The following FAR2 variants were observed in gnomAD, a reference collection of about 807,000 sequenced individuals.
FAR2 encodes epididymis secretory protein Li 81.
Under a neutral mutation model 56.0 loss-of-function variants are expected in FAR2, and 19 were observed. The ratio of observed to expected loss-of-function variants is 0.34; its 90% CI spans 0.24 to 0.50. The LOEUF is 0.50. FAR2 is among the 20% of genes least tolerant of loss of function. FAR2 has a pLI of 0.98. For missense variants in FAR2, 508 were observed against 642.2 expected, an observed-to-expected ratio of 0.79 and a Z score of 2.26; for synonymous variants, 219 against 218.8, an observed-to-expected ratio of 1.00 and a Z score of -0.01.
In FAR2 at chr12:29,177,270, G is replaced by T. The variant is rs539982428; in HGVS notation, c.-39+27863G>T. Among the ~76,000 whole-genome samples, 126 of 152,318 alleles carry T rather than the reference G, an allele frequency of 8.3e-4. 1 individual carries two copies. Among genetic ancestry groups the T allele is most frequent in the African/African-American group, 2.9e-3 (119 of 41,564 alleles). ...TATTCCAGTCTATTCCAGCTGCAAT[G>T]GATCCAGGATAGCAATGGCGGGGGG... On this transcript the variant is annotated intron_variant, in intron 1 of 11. Coordinates refer to ENST00000536681, the MANE Select transcript of FAR2 (RefSeq NM_001271783.2).
chr12:29,307,336 T>C (rs1396071543), intron 4 of FAR2, among the ~76,000 whole-genome samples: 3 of 152,250 alleles, frequency 2.0e-5, no homozygotes, highest in Non-Finnish European at 4.4e-5. Flanking sequence ...GTAGTACTAA[T>C]AGTCCTATGC....
intron 1 of FAR2, among the ~76,000 whole-genome samples, chr12:29,258,163 G>GT (rs1489267111): frequency 2.1e-5 from 3 of 143,104 alleles, no homozygotes; most frequent in Non-Finnish European, 4.5e-5. Context: ...GACCAACAAG[G>GT]TTAAACCTTG....
intron 9 of FAR2, 40 bp downstream of exon 9, chr12:29,317,052 T>C: frequency 6.4e-7 from 1 of 1,569,000 alleles, no homozygotes; most frequent in Non-Finnish European, 8.6e-7. Context: ...TGTCACTGCA[T>C]GGGAGATTAA....
At chr12:29,281,968 T>TCGCCACCGCGCCCGGCC (rs1195246631) in intron 2 of FAR2, among the ~76,000 whole-genome samples, 1 of 152,186 alleles carries the variant, frequency 6.6e-6, no homozygotes, top group African/African-American at 2.4e-5. Context: ...TCTTTCACCC[T>TCGCCACCGCGCCCGGCC]CACTGAGTCT....
chr12:29,255,623 TTTTTTC>T (rs1182557472), intron 1 of FAR2, among the ~76,000 whole-genome samples: 1 of 152,136 alleles, frequency 6.6e-6, no homozygotes, highest in African/African-American at 2.4e-5. Flanking sequence ...TTTTTTCTTT[TTTTTTC>T]TTTTTCTTTT....
intron 1 of FAR2, among the ~76,000 whole-genome samples, chr12:29,246,578 T>G (rs1215059715): frequency 1.3e-5 from 2 of 152,112 alleles, no homozygotes; most frequent in Non-Finnish European, 2.9e-5. Flanking sequence ...AACAGGTCAA[T>G]AATAAATTGC....
At chr12:29,254,960 A>AG (rs1197915542) in intron 1 of FAR2, among the ~76,000 whole-genome samples, 1 of 151,962 alleles carries the variant, frequency 6.6e-6, no homozygotes, top group Admixed American at 6.6e-5. Flanking sequence ...CAAAAAAAAA[A>AG]AAAAAAGTTT....
At chr12:29,221,535 T>C (rs1947690916) in intron 1 of FAR2, among the ~76,000 whole-genome samples, 1 of 152,216 alleles carries the variant, frequency 6.6e-6, no homozygotes, top group South Asian at 2.1e-4. Flanking sequence ...TACACACATA[T>C]TCAGACTGAA....
chr12:29,180,638 A>T (rs945882357), intron 1 of FAR2, among the ~76,000 whole-genome samples: 1 of 152,164 alleles, frequency 6.6e-6, no homozygotes, highest in Non-Finnish European at 1.5e-5. Context: ...GATGACTTTT[A>T]TGGGAGAGAT....
At position 29,297,145 on chromosome 12, in the gene FAR2, G is replaced by A. The variant is rs1469117222; in HGVS notation, c.490G>A (p.Asp164Asn). The A allele has an allele frequency of 1.9e-6, 3 of 1,613,772 alleles. No individual in the cohort carries two copies. Among genetic ancestry groups the A allele is most frequent in the African/African-American group, 1.3e-5 (1 of 74,880 alleles). The part of the protein sequence containing the change: ...AYSNCNLKHI[D>N]EVIYPCPVEP... ...TTCAAATTGTAACCTGAAGCACATC[G>A]ATGAAGTTATCTATCCGTGCCCTGT... The change falls in exon 4 of 12, where the codon GAT becomes AAT. Residue 164 changes from aspartate (D) to asparagine (N), a missense_variant. Transcript: ENST00000536681.
At chr12:29,331,227 T>G (rs772942229) in intron 10 of FAR2, among the ~76,000 whole-genome samples, 3 of 148,538 alleles carry the variant, frequency 2.0e-5, no homozygotes, top group South Asian at 4.3e-4. Context: ...TTTTTTTTAA[T>G]GTCCAGGGAT....
intron 1 of FAR2, among the ~76,000 whole-genome samples, chr12:29,190,276 AG>A (rs1262485359): frequency 1.3e-5 from 2 of 150,990 alleles, no homozygotes; most frequent in African/African-American, 4.9e-5. Context: ...AATTGAAGCC[AG>A]GGGGCTAGAT....
chr12:29,308,713 C>CATATATATAT (rs1405698626), intron 5 of FAR2, among the ~76,000 whole-genome samples: 80 of 123,950 alleles, frequency 6.5e-4, no homozygotes, highest in East Asian at 3.7e-3. Context: ...CACACACACA[C>CATATATATAT]ACACACATAT....
chr12:29,187,053 G>T (rs1463166159), intron 1 of FAR2, among the ~76,000 whole-genome samples: 1 of 152,138 alleles, frequency 6.6e-6, no homozygotes, highest in Non-Finnish European at 1.5e-5. Flanking sequence ...CTCCCAAAGT[G>T]CTGGGATTAC....
intron 1 of FAR2, among the ~76,000 whole-genome samples, chr12:29,183,966 C>A (rs1351239194): frequency 6.6e-6 from 1 of 152,082 alleles, no homozygotes; most frequent in Non-Finnish European, 1.5e-5. Flanking sequence ...TTCTTAACTG[C>A]AAATATCAAC....
At chr12:29,153,230 GA>G (rs1949695268) in intron 1 of FAR2, among the ~76,000 whole-genome samples, 3 of 152,158 alleles carry the variant, frequency 2.0e-5, no homozygotes, top group Middle Eastern at 6.8e-3. Context: ...AATGCTGTAA[GA>G]AAAAAATCAG....
chr12:29,267,949 A>T (rs570388998), intron 1 of FAR2, among the ~76,000 whole-genome samples: 3 of 152,332 alleles, frequency 2.0e-5, no homozygotes, highest in South Asian at 4.1e-4. Context: ...GACAGCAAGG[A>T]ACAGTCTGCT....
chr12:29,168,301 C>T (rs551114287), intron 1 of FAR2, among the ~76,000 whole-genome samples: 48 of 152,224 alleles, frequency 3.2e-4, no homozygotes, highest in Admixed American at 9.8e-4. Context: ...CGTGGGGGAC[C>T]TTATATTCTT....
intron 2 of FAR2, chr12:29,282,460 T>G (rs1349722204): frequency 1.3e-5 from 2 of 152,232 alleles, no homozygotes; most frequent in Non-Finnish European, 2.9e-5. Context: ...AATGCAGTTG[T>G]AACTTATTCC....
Sources: allele counts gnomAD v4.1 joint callset (sites outside exome capture counted in the v4.1 genomes callset), GRCh38; gene constraint gnomAD v4.1.1; transcripts MANE v1.5; gene names NCBI Gene and HGNC (gene_info 2026-07-23, HGNC 2026-07-21).